Variants in SDHA observed in about 807,000 individuals in gnomAD.
The protein encoded by SDHA is succinate dehydrogenase complex flavoprotein subunit A, also known as succinate dehydrogenase [ubiquinone] flavoprotein subunit, mitochondrial.
SDHA carries 48 observed loss-of-function variants against 78.4 expected under a neutral mutation model. That is an observed-to-expected ratio of 0.61 (90% confidence interval 0.49 to 0.78). SDHA has a LOEUF of 0.78. Among genes scored for constraint, SDHA ranks in the 30% least tolerant of loss-of-function variants. SDHA has a pLI of 0.00. For synonymous variants in SDHA, 326 were observed against 353.9 expected (o/e 0.92, Z 0.88); for missense variants, 680 against 892.7 (o/e 0.76, Z 3.04).
chr5:220,333 T>C (rs923996741), intron 1 of SDHA: 1 of 444,728 alleles, frequency 2.2e-6, no homozygotes, highest in African/African-American at 2.0e-5. Context: ...AACTGCTTAC[T>C]TCAGGTGAAG....
rs1255199974 is a variant in SDHA, at chr5:233,929, T to A, written c.1064+284T>A. On this transcript the variant is annotated intron_variant, in intron 8 of 14. Transcript: ENST00000264932. Reference sequence around the variant, plus strand: ...AGAGAGACACACACCCAACCTGAAGTCGGCATGTGAGCCTTGGGTGTTGTG... The same window carrying A: ...AGAGAGACACACACCCAACCTGAAGACGGCATGTGAGCCTTGGGTGTTGTG... 1.2e-5 allele frequency: 5 copies of A among 423,348 alleles called. No individual in the cohort carries two copies. The East Asian group carries it at 2.4e-4, about 20-fold the overall frequency. 26.2% of individuals were successfully genotyped at this position (423,348 alleles called of 1,614,324 possible).
At chr5:266,264 G>A in the SDHA span, among the ~76,000 whole-genome samples, 1 of 152,204 alleles carries the variant, frequency 6.6e-6, no homozygotes, top group Non-Finnish European at 1.5e-5. Flanking sequence ...ATTAATATGG[G>A]CGTTTGAGCA....
rs531389742 is a variant in SDHA, at chr5:243,244, G to A, written c.1551+2768G>A. Among the ~76,000 whole-genome samples, 38 of 152,206 alleles carry A rather than the reference G, an allele frequency of 2.5e-4. No homozygotes were observed. The South Asian group carries it at 3.9e-3, about 16-fold the overall frequency. The stretch of plus-strand genomic sequence containing the variant: ...TAAATTACTTAAGGAGTTTAAACAC[G>A]CTATCAATCAGTATGGACCAGGTTC... On this transcript the variant is annotated intron_variant, in intron 11 of 14. Coordinates refer to ENST00000264932, the MANE Select transcript of SDHA (RefSeq NM_004168.4).
At chr5:267,951 T>C in the SDHA span, among the ~76,000 whole-genome samples, 1 of 152,132 alleles carries the variant, frequency 6.6e-6, no homozygotes, top group Non-Finnish European at 1.5e-5. Context: ...ACCCCCATCA[T>C]TGGCAATACC....
chr5:224,890 G>C (rs1734920979), intron 3 of SDHA: 1 of 363,560 alleles, frequency 2.8e-6, no homozygotes, highest in South Asian at 2.4e-5. Flanking sequence ...ATTTGTCCCT[G>C]TGCTTCTGTC....
At chr5:220,906 G>A (rs1171892072) in intron 1 of SDHA, among the ~76,000 whole-genome samples, 2 of 150,878 alleles carry the variant, frequency 1.3e-5, no homozygotes, top group East Asian at 3.9e-4. Context: ...TCTGCCTCCC[G>A]AGTTCACGCC....
At chr5:242,459 A>G (rs1237618224) in intron 11 of SDHA, among the ~76,000 whole-genome samples, 1 of 152,238 alleles carries the variant, frequency 6.6e-6, no homozygotes, top group Admixed American at 6.5e-5. Flanking sequence ...GTTTCCCGTA[A>G]GGAATACTTT....
intron 1 of SDHA, among the ~76,000 whole-genome samples, chr5:220,602 A>G (rs574614722): frequency 6.6e-6 from 1 of 151,852 alleles, no homozygotes; most frequent in South Asian, 2.1e-4. Context: ...CTGGATATTA[A>G]TATTAGTTGG....
At chr5:262,295 TTACCGTGTGAG>T in the SDHA span, among the ~76,000 whole-genome samples, 6 of 105,462 alleles carry the variant, frequency 5.7e-5, 2 homozygotes, top group African/African-American at 1.8e-4. Flanking sequence ...CGACAGAGCA[TTACCGTGTGAG>T]CTCCGCCTCC....
At chr5:230,853 T>C in intron 6 of SDHA, 23 bp from the exon 7 acceptor site, 1 of 1,613,376 alleles carries the variant, frequency 6.2e-7, no homozygotes, top group East Asian at 2.2e-5. Context: ...CTGTGTGCAG[T>C]CACTGCTCTC....
rs141493530 is a variant in SDHA, at chr5:235,194, C to T, written c.1115C>T (p.Pro372Leu). Residue 372 changes from proline (P) to leucine (L), a missense_variant, in exon 9 of 15, where the codon CCT (proline) becomes CTT (leucine). Physicochemically the swap from Pro to Leu is moderately conservative, Grantham distance 98 (BLOSUM62 -3). Transcript: ENST00000264932. ...GTCTACCTGCAGCTGCACCACCTAC[C>T]TCCAGAGCAGCTGGCCACGCGCCTG... is the stretch of plus-strand genomic sequence containing the variant. ...DHVYLQLHHLPPEQLATRLPG... is the reference protein window; with the variant it reads ...DHVYLQLHHLLPEQLATRLPG... 3 of 1,613,890 alleles carry T rather than the reference C, an allele frequency of 1.9e-6. No individual in the cohort carries two copies. Among genetic ancestry groups the T allele is most frequent in the African/African-American group, 1.3e-5 (1 of 74,920 alleles).
At chr5:252,573 G>C (rs1158609410) in intron 13 of SDHA, among the ~76,000 whole-genome samples, 2 of 126,482 alleles carry the variant, frequency 1.6e-5, no homozygotes, top group African/African-American at 7.6e-5. Flanking sequence ...GTTTAGTAAC[G>C]AGTAAGTCAC....
intron 3 of SDHA, among the ~76,000 whole-genome samples, 186 bp from the exon 4 acceptor site, chr5:225,233 G>A (rs554261196): frequency 2.2e-4 from 33 of 152,272 alleles, no homozygotes; most frequent in African/African-American, 7.5e-4. Flanking sequence ...CACTGGGCGA[G>A]TCGGGGAGGG....
chr5:228,302 A>C lies in SDHA; in HGVS notation c.739A>C (p.Ile247Leu). 1 of 1,614,030 alleles carries C rather than the reference A, an allele frequency of 6.2e-7. No homozygotes were observed. The highest frequency in any genetic ancestry group is 8.5e-7 in the Non-Finnish European group (1 of 1,179,894). Residue 247 changes from isoleucine to leucine, a missense_variant, in exon 6 of 15, where the codon ATA becomes CTA. Physicochemically the swap from Ile to Leu is conservative, Grantham distance 5. Coordinates refer to ENST00000264932, the MANE Select transcript of SDHA (RefSeq NM_004168.4). ...LCIEDGSIHR[I>L]RAKNTVVATG... ...CATAGAGGACGGGTCCATCCATCGC[A>C]TAAGAGCAAAGAACACTGTTGTTGC...
chr5:241,690 A>C (rs1335016755), intron 11 of SDHA, among the ~76,000 whole-genome samples: 1 of 152,248 alleles, frequency 6.6e-6, no homozygotes, highest in East Asian at 1.9e-4. Context: ...TTTTCTAAAA[A>C]GTCCATTGCT....
rs1187814848 is a variant in SDHA, at chr5:229,815, G to A, written c.771-1061G>A. On this transcript the variant is annotated intron_variant, in intron 6 of 14. Transcript: ENST00000264932. The stretch of plus-strand genomic sequence containing the variant: ...GCTAGAGTTAACATTATACAGCATG[G>A]TGGCTAGAGTTAACATTATACAGCA... Among the ~76,000 whole-genome samples the A allele has an allele frequency of 5.8e-3, 730 of 126,262 alleles. 14 individuals carry two copies. The highest frequency in any genetic ancestry group is 0.036 in the African/African-American group (669 of 18,538). 82.8% of individuals were successfully genotyped at this position (126,262 alleles called of 152,430 possible).
rs189717511 is a variant in SDHA, at chr5:221,904, G to A, written c.64-1578G>A. On this transcript the variant is annotated intron_variant, in intron 1 of 14. Transcript: ENST00000264932. ...AAGCCAGCTCTGTGTGTGTGTGGTG[G>A]GGGGTGGGCAGTGGGTCTTCCACAT... Among the ~76,000 whole-genome samples, 392 of 152,152 alleles carry A rather than the reference G, an allele frequency of 2.6e-3. 1 individual carries two copies. Among genetic ancestry groups the A allele is most frequent in the African/African-American group, 9.0e-3 (372 of 41,498 alleles).
At chr5:260,988 T>G (rs1414124827), downstream of SDHA, among the ~76,000 whole-genome samples, 1 of 12,502 alleles carries the variant, frequency 8.0e-5, no homozygotes, top group African/African-American at 5.4e-4. Context: ...AGCATTACCG[T>G]GTGAGCTCCG....
intron 5 of SDHA, chr5:227,956 A>C (rs7445509): frequency 0.16 from 84,171 of 519,784 alleles, 11,157 homozygotes; most frequent in African/African-American, 0.53. Flanking sequence ...GTGTCACCAA[A>C]ATAGGAGCTG....
Sources: gnomAD v4.1 joint callset for allele counts (sites outside exome capture counted in the v4.1 genomes callset) on GRCh38, gnomAD v4.1.1 for gene constraint, MANE v1.5 for transcripts, NCBI Gene and HGNC (gene_info 2026-07-23, HGNC 2026-07-21) for gene names.